The following MSI2 variants were observed in gnomAD, a reference collection of about 807,000 sequenced individuals.
MSI2 encodes musashi RNA binding protein 2, also known as RNA-binding protein Musashi homolog 2.
A neutral mutation model predicts 45.6 loss-of-function variants in MSI2; 17 were observed. That is an observed-to-expected ratio of 0.37 (90% CI 0.26 to 0.56). MSI2 has a LOEUF of 0.56. MSI2 is among the 20% of genes least tolerant of loss of function. The pLI, the probability that MSI2 is intolerant of heterozygous loss-of-function variation, is 0.77. For synonymous variants in MSI2, 156 were observed against 158.2 expected (o/e 0.99, Z 0.11); for missense variants, 293 against 444.2 (o/e 0.66, Z 3.06).
At chr17:57,595,745 A>C (rs1905199744) in intron 7 of MSI2, among the ~76,000 whole-genome samples, 1 of 152,020 alleles carries the variant, frequency 6.6e-6, no homozygotes, top group East Asian at 1.9e-4. Context: ...GGGGGCAGCA[A>C]GGGGCAGCCA....
intron 6 of MSI2, among the ~76,000 whole-genome samples, chr17:57,457,449 T>A (rs1260544413): frequency 6.6e-6 from 1 of 152,262 alleles, no homozygotes; most frequent in Non-Finnish European, 1.5e-5. Context: ...AAGAGCTGGT[T>A]AAGGTAGGTA....
chr17:57,682,031 T>C lies in MSI2; in HGVS notation c.*2514T>C, dbSNP rs1200428072. ...TCTTGTAAGCGTGCTGTCCTGGTACTAGTGTAGCGACTTTTTTTCTCCTCT... is the reference window on the plus strand; with the variant it reads ...TCTTGTAAGCGTGCTGTCCTGGTACCAGTGTAGCGACTTTTTTTCTCCTCT... On this transcript the variant is annotated 3_prime_UTR_variant, in exon 14 of 14. Transcript: ENST00000284073. 4.8e-6 allele frequency: 1 copy of C among 208,168 alleles called. No individual in the cohort carries two copies. The highest frequency in any genetic ancestry group is 9.8e-6 in the Non-Finnish European group (1 of 102,250). The allele number at this position is 208,168 out of a possible 1,614,324, so 12.9% of individuals were successfully genotyped here.
At chr17:57,697,973 C>T in the MSI2 span, among the ~76,000 whole-genome samples, 1 of 152,152 alleles carries the variant, frequency 6.6e-6, no homozygotes, top group Non-Finnish European at 1.5e-5. Context: ...CCTTCACTCC[C>T]TCCCTCACTG....
chr17:57,443,337 G>A (rs1430253977), intron 6 of MSI2, among the ~76,000 whole-genome samples: 1 of 152,210 alleles, frequency 6.6e-6, no homozygotes, highest in Non-Finnish European at 1.5e-5. Flanking sequence ...TGTGCCGCGT[G>A]TTTGTGGCAG....
rs1456142214 is a variant in MSI2, at chr17:57,683,292, T to C, written c.*3775T>C. ...CCTGAAAGGTGTTCAGTTTTTGTTCTTGGTTTTGTTTTGTTTTTGATTTCT... is the reference window on the plus strand; with the variant it reads ...CCTGAAAGGTGTTCAGTTTTTGTTCCTGGTTTTGTTTTGTTTTTGATTTCT... On this transcript the variant is annotated 3_prime_UTR_variant, in exon 14 of 14. Coordinates refer to ENST00000284073, the MANE Select transcript of MSI2 (RefSeq NM_138962.4). This position sits in a 1 kb window ranked among gnomAD's most constrained non-coding sequence, Gnocchi z 5.2. The C allele has an allele frequency of 4.3e-6, 1 of 231,104 alleles. No individual in the cohort carries two copies. Among genetic ancestry groups the C allele is most frequent in the African/African-American group, 2.2e-5 (1 of 45,240 alleles). 14.3% of individuals were successfully genotyped at this position (231,104 alleles called of 1,614,324 possible).
chr17:57,308,368 A>G (rs956941205), intron 5 of MSI2, among the ~76,000 whole-genome samples: 1 of 152,190 alleles, frequency 6.6e-6, no homozygotes, highest in Non-Finnish European at 1.5e-5. Context: ...CTAAATATCA[A>G]GCTTTTTCAT....
intron 6 of MSI2, among the ~76,000 whole-genome samples, chr17:57,417,953 G>T (rs2084326357): frequency 6.6e-6 from 1 of 152,174 alleles, no homozygotes; most frequent in Non-Finnish European, 1.5e-5. Context: ...CCTGTGTCTA[G>T]GAATTACAGA....
chr17:57,416,449 T>A (rs2143248167), intron 6 of MSI2, among the ~76,000 whole-genome samples: 1 of 152,242 alleles, frequency 6.6e-6, no homozygotes, highest in East Asian at 1.9e-4. Flanking sequence ...CCGAAATAAT[T>A]TTCCCTCCCA....
At chr17:57,449,361 C>T (rs1248112732) in intron 6 of MSI2, 5 of 152,164 alleles carry the variant, frequency 3.3e-5, no homozygotes, top group South Asian at 2.1e-4. Context: ...TTTTTTCACA[C>T]GTGTGGAGGA....
chr17:57,655,648 C>T (rs975251968), intron 11 of MSI2, among the ~76,000 whole-genome samples: 7 of 152,148 alleles, frequency 4.6e-5, no homozygotes, highest in South Asian at 4.2e-4. Flanking sequence ...GTTGGGGCTG[C>T]GGTGAGAGTG....
chr17:57,331,954 C>T (rs909295832), intron 5 of MSI2, among the ~76,000 whole-genome samples: 2 of 152,150 alleles, frequency 1.3e-5, no homozygotes, highest in African/African-American at 2.4e-5. Flanking sequence ...TCAGTGATGA[C>T]ATTCATTCAC....
At chr17:57,553,700 T>C (rs1390923973) in intron 7 of MSI2, among the ~76,000 whole-genome samples, 2 of 152,196 alleles carry the variant, frequency 1.3e-5, no homozygotes, top group African/African-American at 4.8e-5. Context: ...CCAGCTCATG[T>C]GCCTTTGTGG....
At chr17:57,458,902 C>A (rs529736059) in intron 6 of MSI2, among the ~76,000 whole-genome samples, 30 of 152,288 alleles carry the variant, frequency 2.0e-4, no homozygotes, top group Non-Finnish European at 4.3e-4. Context: ...GGGCACCTGG[C>A]GAGAGCGTTG....
chr17:57,589,734 G>A (rs1269350860), intron 7 of MSI2, among the ~76,000 whole-genome samples: 2 of 152,194 alleles, frequency 1.3e-5, no homozygotes, highest in Non-Finnish European at 2.9e-5. Context: ...GTCTTCTCCA[G>A]AAAAGTAGGG....
intron 6 of MSI2, among the ~76,000 whole-genome samples, chr17:57,464,163 G>A (rs2085287198): frequency 6.6e-6 from 1 of 152,034 alleles, no homozygotes. Context: ...AAAAGAGTTG[G>A]CCAGGGCAGT....
chr17:57,387,942 C>CAAGTTTA (rs1194602257), intron 5 of MSI2, among the ~76,000 whole-genome samples: 1 of 152,142 alleles, frequency 6.6e-6, no homozygotes, highest in African/African-American at 2.4e-5. Context: ...GAAGAAGGAA[C>CAAGTTTA]AAGTTTAGAG....
At chr17:57,398,646 A>G (rs950982707) in intron 5 of MSI2, among the ~76,000 whole-genome samples, 9 of 152,222 alleles carry the variant, frequency 5.9e-5, no homozygotes, top group Non-Finnish European at 4.4e-5. Flanking sequence ...GTGACCATTT[A>G]TTTAGCGACT....
At chr17:57,343,108 A>G (rs1257878763) in intron 5 of MSI2, among the ~76,000 whole-genome samples, 5 of 152,216 alleles carry the variant, frequency 3.3e-5, no homozygotes, top group Non-Finnish European at 4.4e-5. Context: ...TGTGACTACA[A>G]TCAATTTTGC....
chr17:57,652,223 A>G lies in MSI2; in HGVS notation c.790+62A>G. On this transcript the variant is annotated intron_variant, in intron 11 of 13. Transcript: ENST00000284073. The surrounding 1 kb of genome is among the most constrained non-coding windows in gnomAD (Gnocchi z 4.1). ...GCCCCCAGTGTGCAGGGGGAGGTCA[A>G]GGCCCTGTCGGATCTGTGTGGCTGC... 2 of 1,494,476 alleles carry G rather than the reference A, an allele frequency of 1.3e-6. No homozygotes were observed. The highest frequency in any genetic ancestry group is 1.9e-6 in the Non-Finnish European group (2 of 1,073,014). 92.6% of individuals were successfully genotyped at this position (1,494,476 alleles called of 1,614,324 possible).
Sources: allele counts gnomAD v4.1 joint callset (sites outside exome capture counted in the v4.1 genomes callset), GRCh38; gene constraint gnomAD v4.1.1; non-coding constraint Gnocchi (gnomAD v3.1); transcripts MANE v1.5; gene names NCBI Gene and HGNC (gene_info 2026-07-23, HGNC 2026-07-21).